ITFG1: variants seen among roughly 807,000 people sequenced by gnomAD.
ITFG1 encodes the protein integrin alpha FG-GAP repeat containing 1.
In ITFG1, 34 loss-of-function variants were observed where a neutral mutation model predicts 81.8. The ratio of observed to expected loss-of-function variants is 0.42; its 90% CI spans 0.32 to 0.55. ITFG1 has a LOEUF of 0.55. Ranked by LOEUF, ITFG1 falls within the 20% of genes least tolerant of loss-of-function variation. ITFG1 has a pLI of 0.17. For missense variants in ITFG1, 672 were observed against 755.4 expected, an observed-to-expected ratio of 0.89 and a Z score of 1.29; for synonymous variants, 285 against 270.6, an observed-to-expected ratio of 1.05 and a Z score of -0.52.
intron 13 of ITFG1, among the ~76,000 whole-genome samples, chr16:47,232,776 G>A (rs1965829651): frequency 6.6e-6 from 1 of 151,796 alleles, no homozygotes; most frequent in Non-Finnish European, 1.5e-5. Context: ...CGGGTAGCTC[G>A]GGTACAGGTG....
intron 6 of ITFG1, among the ~76,000 whole-genome samples, chr16:47,390,879 T>TAATA (rs759406787): frequency 2.3e-4 from 35 of 152,222 alleles, no homozygotes; most frequent in Non-Finnish European, 4.3e-4. Flanking sequence ...TAACTGCATA[T>TAATA]AATACATTAT....
chr16:47,195,398 T>C (rs1301093568), intron 14 of ITFG1, among the ~76,000 whole-genome samples: 2 of 152,204 alleles, frequency 1.3e-5, no homozygotes, highest in South Asian at 2.1e-4. Context: ...TACTCCCAAT[T>C]TTCTCTTCTC....
chr16:47,214,022 G>A (rs1021346114), intron 14 of ITFG1, among the ~76,000 whole-genome samples: 2 of 152,184 alleles, frequency 1.3e-5, no homozygotes, highest in Admixed American at 1.3e-4. Flanking sequence ...CCAAAGTGGG[G>A]AAAATCTTGT....
intron 5 of ITFG1, among the ~76,000 whole-genome samples, chr16:47,435,223 A>T (rs1969150460): frequency 6.6e-6 from 1 of 152,214 alleles, no homozygotes; most frequent in Non-Finnish European, 1.5e-5. Context: ...TACAAATTAT[A>T]GTTTTTCAGC....
chr16:47,397,514 T>C (rs1182419257), intron 6 of ITFG1, among the ~76,000 whole-genome samples: 1 of 152,202 alleles, frequency 6.6e-6, no homozygotes, highest in Non-Finnish European at 1.5e-5. Context: ...GGTAGAACAA[T>C]GATTCTCAAC....
intron 6 of ITFG1, among the ~76,000 whole-genome samples, chr16:47,409,393 TATATA>T (rs1968774607): frequency 1.3e-3 from 21 of 16,590 alleles, no homozygotes; most frequent in Admixed American, 5.4e-3. Context: ...TATATATATA[TATATA>T]TATATATTTT....
At chr16:47,362,219 C>T (rs1256801657) in intron 8 of ITFG1, among the ~76,000 whole-genome samples, 1 of 152,164 alleles carries the variant, frequency 6.6e-6, no homozygotes, top group African/African-American at 2.4e-5. Context: ...ATGCCCTGAC[C>T]TGTCTCCTGA....
At chr16:47,395,414 C>T (rs892061536) in intron 6 of ITFG1, among the ~76,000 whole-genome samples, 1 of 152,040 alleles carries the variant, frequency 6.6e-6, no homozygotes, top group African/African-American at 2.4e-5. Context: ...TTAGGGATGC[C>T]GTAAATTGTC....
At chr16:47,276,554 C>T (rs1457489512) in intron 10 of ITFG1, among the ~76,000 whole-genome samples, 1 of 152,060 alleles carries the variant, frequency 6.6e-6, no homozygotes, top group African/African-American at 2.4e-5. Flanking sequence ...GACAAAGGGA[C>T]AAGAATAGTC....
chr16:47,409,405 T>TATATATATATATATATA (rs60029204), intron 6 of ITFG1, among the ~76,000 whole-genome samples: 12 of 8,024 alleles, frequency 1.5e-3, no homozygotes, highest in Admixed American at 2.6e-3. Flanking sequence ...TATATATATA[T>TATATATATATATATATA]TTTTTTTTTT....
chr16:47,453,965 A>C, intron 3 of ITFG1, 48 bp downstream of exon 3: 3 of 1,094,024 alleles, frequency 2.7e-6, no homozygotes, highest in Non-Finnish European at 4.0e-6. Context: ...TGTTACATTT[A>C]CCTTCATATT....
upstream of ITFG1, chr16:47,461,074 C>T (rs760280189): frequency 4.0e-6 from 6 of 1,498,870 alleles, no homozygotes; most frequent in Non-Finnish European, 4.4e-6. Flanking sequence ...GCCCGCCGGC[C>T]CAACGCCGCG....
At chr16:47,293,184 G>A (rs1054253098) in intron 10 of ITFG1, among the ~76,000 whole-genome samples, 1 of 145,190 alleles carries the variant, frequency 6.9e-6, no homozygotes. Context: ...ATATACAAAT[G>A]ATATATATTA....
chr16:47,266,522 A>C (rs1966278403), intron 10 of ITFG1, among the ~76,000 whole-genome samples: 1 of 152,224 alleles, frequency 6.6e-6, no homozygotes, highest in Non-Finnish European at 1.5e-5. Flanking sequence ...CCAGCCAGAC[A>C]GCTATAATTT....
chr16:47,352,598 A>C (rs1967977035), intron 8 of ITFG1, among the ~76,000 whole-genome samples: 1 of 152,214 alleles, frequency 6.6e-6, no homozygotes, highest in Non-Finnish European at 1.5e-5. Flanking sequence ...GAACACTTTT[A>C]TACTGTTGGT....
intron 8 of ITFG1, among the ~76,000 whole-genome samples, chr16:47,323,205 C>A (rs1967475313): frequency 6.6e-6 from 1 of 152,004 alleles, no homozygotes; most frequent in African/African-American, 2.4e-5. Flanking sequence ...AGGGTTCTCC[C>A]CACATGAATA....
chr16:47,315,219 T>C (rs1263983306), intron 8 of ITFG1, among the ~76,000 whole-genome samples: 1 of 151,914 alleles, frequency 6.6e-6, no homozygotes, highest in Non-Finnish European at 1.5e-5. Context: ...TTTGGACTAC[T>C]GAGAATTAAA....
chr16:47,419,598 GGTC>G (rs1567493653), intron 6 of ITFG1, among the ~76,000 whole-genome samples: 1 of 142,560 alleles, frequency 7.0e-6, no homozygotes, highest in African/African-American at 2.6e-5. Flanking sequence ...CCTTACTTCA[GGTC>G]TTTTTTTTTT....
At chr16:47,453,169 C>T (rs1969410166) in intron 3 of ITFG1, among the ~76,000 whole-genome samples, 1 of 152,198 alleles carries the variant, frequency 6.6e-6, no homozygotes, top group African/African-American at 2.4e-5. Flanking sequence ...TGCTTATATA[C>T]AAGCTTTGTG....
Sources: gnomAD v4.1 joint callset for allele counts (sites outside exome capture counted in the v4.1 genomes callset) on GRCh38, gnomAD v4.1.1 for gene constraint, MANE v1.5 for transcripts, NCBI Gene and HGNC (gene_info 2026-07-23, HGNC 2026-07-21) for gene names.